GMDS: variants seen among roughly 807,000 people sequenced by gnomAD.
The protein encoded by GMDS is GDP-mannose 4,6 dehydratase.
Under a neutral mutation model 49.9 loss-of-function variants are expected in GMDS, and 20 were observed. That is an observed-to-expected ratio of 0.40 (90% CI 0.28 to 0.58). The LOEUF (loss-of-function observed/expected upper bound fraction) is 0.58, where lower values mean the gene tolerates loss of function less well. Ranked by LOEUF, GMDS falls within the 20% of genes least tolerant of loss-of-function variation. GMDS has a pLI of 0.42. For missense variants in GMDS, 362 were observed against 481.4 expected, an observed-to-expected ratio of 0.75 and a Z score of 2.32; for synonymous variants, 177 against 178.6, an observed-to-expected ratio of 0.99 and a Z score of 0.07.
chr6:2,039,510 A>G (rs942261834), intron 4 of GMDS, among the ~76,000 whole-genome samples: 3 of 152,174 alleles, frequency 2.0e-5, no homozygotes, highest in Non-Finnish European at 4.4e-5. Context: ...AAATGTAAAC[A>G]CACTATACAG....
intron 4 of GMDS, among the ~76,000 whole-genome samples, chr6:2,059,491 G>C (rs1248222492): frequency 6.7e-6 from 1 of 149,250 alleles, no homozygotes; most frequent in Non-Finnish European, 1.5e-5. Flanking sequence ...GGTGGATCAC[G>C]AGGTCAGGAG....
In GMDS at chr6:2,069,982, A is replaced by G. The variant is rs376614937; in HGVS notation, c.345+45789T>C. Reference sequence around the variant, plus strand: ...ACACATGCACACGTATGTTTATTGCAGCATTATTCACAATAGCAAAGACTT... The same window carrying G: ...ACACATGCACACGTATGTTTATTGCGGCATTATTCACAATAGCAAAGACTT... On this transcript the variant is annotated intron_variant, in intron 4 of 10. Coordinates refer to ENST00000380815, the MANE Select transcript of GMDS (RefSeq NM_001500.4). 7.1e-3 allele frequency among the ~76,000 whole-genome samples: 1,078 copies of G among 151,006 alleles called. 17 individuals are homozygous for G. Among genetic ancestry groups the G allele is most frequent in the African/African-American group, 0.025 (1,029 of 40,402 alleles).
chr6:1,842,388 G>C (rs1297142877), intron 7 of GMDS, among the ~76,000 whole-genome samples: 1 of 152,206 alleles, frequency 6.6e-6, no homozygotes, highest in Non-Finnish European at 1.5e-5. Flanking sequence ...CAAATAGCCT[G>C]GGTCTGGATA....
chr6:1,710,869 A>G (rs796985935), intron 9 of GMDS, among the ~76,000 whole-genome samples: 14 of 152,330 alleles, frequency 9.2e-5, no homozygotes, highest in African/African-American at 3.1e-4. Context: ...GGGCTTAACG[A>G]CAGACTTGTG....
At chr6:1,924,604 T>A (rs1761898843) in intron 7 of GMDS, among the ~76,000 whole-genome samples, 3 of 152,204 alleles carry the variant, frequency 2.0e-5, no homozygotes, top group Admixed American at 2.0e-4. Flanking sequence ...CAAAGTGGGA[T>A]CTCATTGGGA....
chr6:2,115,691 A>G, intron 4 of GMDS, 80 bp downstream of exon 4: 1 of 783,796 alleles, frequency 1.3e-6, no homozygotes, highest in African/African-American at 1.7e-5. Context: ...TTATATTACT[A>G]CACTGAGAAG....
chr6:2,243,474 A>G (rs1417479869), intron 1 of GMDS, among the ~76,000 whole-genome samples: 2 of 152,182 alleles, frequency 1.3e-5, no homozygotes, highest in African/African-American at 4.8e-5. Flanking sequence ...TAAAATCTCT[A>G]CTTTCCAGAG....
At chr6:1,744,528 T>C (rs1178938955) in intron 7 of GMDS, among the ~76,000 whole-genome samples, 2 of 151,974 alleles carry the variant, frequency 1.3e-5, no homozygotes, top group African/African-American at 4.8e-5. Context: ...TGTTTTGGGA[T>C]AGTCCACACA....
At chr6:1,713,071 G>A (rs763616204) in intron 9 of GMDS, among the ~76,000 whole-genome samples, 9 of 152,210 alleles carry the variant, frequency 5.9e-5, no homozygotes, top group Non-Finnish European at 1.2e-4. Context: ...GTAGAATCCA[G>A]CCACGGATGT....
chr6:1,815,764 A>G (rs991619187), intron 7 of GMDS, among the ~76,000 whole-genome samples: 1 of 152,208 alleles, frequency 6.6e-6, no homozygotes, highest in African/African-American at 2.4e-5. Context: ...ACACAAGAAG[A>G]AGGCCAAGAC....
intron 9 of GMDS, chr6:1,679,314 T>C (rs1035998876): frequency 3.9e-5 from 6 of 152,202 alleles, no homozygotes; most frequent in African/African-American, 7.2e-5. Flanking sequence ...TTTTAGGCCA[T>C]CGGGGTGGGC....
intron 1 of GMDS, among the ~76,000 whole-genome samples, chr6:2,161,410 G>T (rs142279278): frequency 1.3e-5 from 2 of 152,100 alleles, no homozygotes; most frequent in Non-Finnish European, 2.9e-5. Flanking sequence ...CAAATGACAC[G>T]ACTGACCACA....
At chr6:1,669,564 T>C (rs1418995680) in intron 9 of GMDS, among the ~76,000 whole-genome samples, 1 of 152,228 alleles carries the variant, frequency 6.6e-6, no homozygotes, top group Non-Finnish European at 1.5e-5. Flanking sequence ...CGTCATGTGC[T>C]GAGCACTTCA....
At chr6:1,829,009 G>A (rs1443404448) in intron 7 of GMDS, among the ~76,000 whole-genome samples, 1 of 152,180 alleles carries the variant, frequency 6.6e-6, no homozygotes, top group Non-Finnish European at 1.5e-5. Context: ...TTCTTACAAT[G>A]AAGAAAGCTA....
chr6:1,918,171 G>A (rs1761503096), intron 7 of GMDS, among the ~76,000 whole-genome samples: 1 of 152,142 alleles, frequency 6.6e-6, no homozygotes, highest in Non-Finnish European at 1.5e-5. Context: ...GGATGGGAGA[G>A]TGTGACGGTT....
At chr6:1,914,129 T>C (rs951956934) in intron 7 of GMDS, among the ~76,000 whole-genome samples, 2 of 137,872 alleles carry the variant, frequency 1.5e-5, no homozygotes, top group Non-Finnish European at 3.1e-5. Flanking sequence ...CGTTTTTTGT[T>C]TGTTTTTTTT....
intron 1 of GMDS, among the ~76,000 whole-genome samples, chr6:2,135,635 A>T (rs2127522603): frequency 6.6e-6 from 1 of 151,776 alleles, no homozygotes; most frequent in South Asian, 2.1e-4. Flanking sequence ...TCATATTAGC[A>T]ATGACATTAA....
intron 4 of GMDS, among the ~76,000 whole-genome samples, chr6:2,066,943 C>A (rs1771641236): frequency 6.6e-6 from 1 of 151,992 alleles, no homozygotes; most frequent in Non-Finnish European, 1.5e-5. Flanking sequence ...CCCTCCACCC[C>A]AAATCAACAG....
chr6:2,225,223 G>A lies in GMDS; in HGVS notation c.102+20098C>T, dbSNP rs975715650. ...TGCACAACTGTGGTCCCAGCTACTC[G>A]GGAGGCTGAGGCAGAAGTATTGTCT... On this transcript the variant is annotated intron_variant, in intron 1 of 10. Transcript: ENST00000380815. Among the ~76,000 whole-genome samples the A allele has an allele frequency of 5.3e-5, 8 of 151,736 alleles. No homozygotes were observed. In the South Asian group the frequency reaches 6.3e-4, roughly 12 times the overall value.
Sources: gnomAD v4.1 joint callset for allele counts (sites outside exome capture counted in the v4.1 genomes callset) on GRCh38, gnomAD v4.1.1 for gene constraint, MANE v1.5 for transcripts, NCBI Gene and HGNC (gene_info 2026-07-23, HGNC 2026-07-21) for gene names.